CCND3: variants seen among roughly 807,000 people sequenced by gnomAD.
The protein encoded by CCND3 is cyclin D3.
A neutral mutation model predicts 28.7 loss-of-function variants in CCND3; 9 were observed. The ratio of observed to expected loss-of-function variants is 0.31; its 90% CI spans 0.19 to 0.55. The LOEUF (loss-of-function observed/expected upper bound fraction) is 0.55, where lower values mean the gene tolerates loss of function less well. CCND3 is among the 20% of genes least tolerant of loss of function. The probability of loss-of-function intolerance (pLI) is 0.93; values close to 1 mark genes in which losing one functional copy is unlikely to be tolerated. For synonymous variants in CCND3, 164 were observed against 163.9 expected, an observed-to-expected ratio of 1.00 and a Z score of 0.00; for missense variants, 315 against 385.8, an observed-to-expected ratio of 0.82 and a Z score of 1.54.
At chr6:41,973,717 G>T (rs1257166327) in intron 1 of CCND3, among the ~76,000 whole-genome samples, 1 of 152,188 alleles carries the variant, frequency 6.6e-6, no homozygotes, top group Admixed American at 6.5e-5. Flanking sequence ...TTCACTGTCA[G>T]ATTTTCTGCC....
chr6:41,954,250 TAAAAAAAAAAAAA>T (rs34556754), intron 1 of CCND3, among the ~76,000 whole-genome samples: 2 of 35,156 alleles, frequency 5.7e-5, no homozygotes, highest in African/African-American at 1.3e-4. Flanking sequence ...GATTCTGCCT[TAAAAAAAAAAAAA>T]AAAAAAAAAA....
chr6:41,987,233 G>A (rs953612285), intron 1 of CCND3, among the ~76,000 whole-genome samples: 1 of 151,962 alleles, frequency 6.6e-6, no homozygotes, highest in Non-Finnish European at 1.5e-5. Flanking sequence ...TTAACTCACT[G>A]ATTGGTTCTG....
intron 1 of CCND3, among the ~76,000 whole-genome samples, chr6:42,009,793 C>G (rs986333897): frequency 3.3e-5 from 5 of 152,074 alleles, no homozygotes; most frequent in African/African-American, 1.2e-4. Context: ...GGTGATAGAG[C>G]GAGACCCTGT....
chr6:41,987,815 C>A (rs1762533210), intron 1 of CCND3, among the ~76,000 whole-genome samples: 1 of 151,410 alleles, frequency 6.6e-6, no homozygotes, highest in Non-Finnish European at 1.5e-5. Context: ...GAATTTTTTT[C>A]TGAATGGTGA....
chr6:41,986,139 G>A (rs1331102696), intron 1 of CCND3, among the ~76,000 whole-genome samples: 1 of 151,994 alleles, frequency 6.6e-6, no homozygotes, highest in Non-Finnish European at 1.5e-5. Context: ...TGGTCTATAT[G>A]TCTATTGTTA....
chr6:41,982,663 C>T (rs1296248846), intron 1 of CCND3, among the ~76,000 whole-genome samples: 1 of 152,112 alleles, frequency 6.6e-6, no homozygotes, highest in Non-Finnish European at 1.5e-5. Flanking sequence ...AGGGCTGACA[C>T]TACCTGACTT....
chr6:41,988,760 G>A (rs1440530139), intron 1 of CCND3, among the ~76,000 whole-genome samples: 5 of 147,542 alleles, frequency 3.4e-5, no homozygotes, highest in Admixed American at 6.9e-5. Flanking sequence ...GTGCAGTGGC[G>A]CGATGTCGGC....
intron 1 of CCND3, among the ~76,000 whole-genome samples, chr6:42,009,700 G>C (rs528113770): frequency 1.3e-5 from 2 of 152,080 alleles, no homozygotes; most frequent in Admixed American, 1.3e-4. Flanking sequence ...CCAGCTACTC[G>C]GGAGGCTAAG....
At position 41,979,269 on chromosome 6, in the gene CCND3, C is replaced by T. The variant is rs536720686; in HGVS notation, c.-45-38684G>A. Among the ~76,000 whole-genome samples, 47 of 151,456 alleles carry T rather than the reference C, an allele frequency of 3.1e-4. No individual in the cohort carries two copies. The South Asian group carries it at 7.1e-3, about 23-fold the overall frequency. On this transcript the variant is annotated intron_variant, in intron 1 of 4. Transcript: ENST00000372988. The stretch of plus-strand genomic sequence containing the variant: ...AAAATAACGGCCGGGCACAGTGGCT[C>T]ACACCTGTAATCCCAGCACTTTGGG...
intron 1 of CCND3, among the ~76,000 whole-genome samples, chr6:42,003,981 AAAAC>A (rs1763103732): frequency 6.6e-6 from 1 of 151,702 alleles, no homozygotes; most frequent in Non-Finnish European, 1.5e-5. Flanking sequence ...AAAGACTAAC[AAAAC>A]AAACAAAACT....
intron 1 of CCND3, among the ~76,000 whole-genome samples, chr6:42,022,649 A>G (rs1255706733): frequency 3.3e-5 from 5 of 152,246 alleles, no homozygotes; most frequent in Non-Finnish European, 5.9e-5. Context: ...TTGATGCAGC[A>G]CTTGGCCTGG....
chr6:41,964,513 TGA>T (rs1554161276), intron 1 of CCND3, among the ~76,000 whole-genome samples: 6 of 150,366 alleles, frequency 4.0e-5, no homozygotes, highest in Non-Finnish European at 8.9e-5. Context: ...TGTGTGTGTG[TGA>T]GTGTGTATGT....
rs553358853 is a variant in CCND3 at position 42,037,427 on chromosome 6, G to A, written c.-46+11074C>T. 8.6e-5 allele frequency among the ~76,000 whole-genome samples: 13 copies of A among 150,474 alleles called. No individual in the cohort carries two copies. The East Asian group carries it at 1.4e-3, about 16-fold the overall frequency. On this transcript the variant is annotated intron_variant, in intron 1 of 4. Coordinates refer to the CCND3 transcript ENST00000372988. ...TAATTTTTGTATTTTTAGTAGAGACGGTTTTCAACATATTGGCCAGGATGG... is the reference window on the plus strand; with the variant it reads ...TAATTTTTGTATTTTTAGTAGAGACAGTTTTCAACATATTGGCCAGGATGG...
At chr6:41,946,478 G>A (rs1776172359), upstream of CCND3, among the ~76,000 whole-genome samples, 1 of 151,052 alleles carries the variant, frequency 6.6e-6, no homozygotes, top group Non-Finnish European at 1.5e-5. Context: ...GCGCACGCCT[G>A]TAGTCCCAGC....
At chr6:42,026,868 G>A (rs1333231801) in intron 1 of CCND3, among the ~76,000 whole-genome samples, 5 of 152,170 alleles carry the variant, frequency 3.3e-5, no homozygotes, top group Non-Finnish European at 4.4e-5. Flanking sequence ...TCTCCCACAC[G>A]CAAGGGCACA....
chr6:42,029,284 C>G (rs1381842329), intron 1 of CCND3, among the ~76,000 whole-genome samples: 5 of 152,114 alleles, frequency 3.3e-5, no homozygotes, highest in Non-Finnish European at 7.4e-5. Flanking sequence ...AGCCACTGCA[C>G]GCAGCCTTGA....
intron 1 of CCND3, among the ~76,000 whole-genome samples, chr6:41,973,694 A>T (rs925263601): frequency 2.0e-5 from 3 of 152,196 alleles, no homozygotes; most frequent in Non-Finnish European, 4.4e-5. Context: ...CAATAATAAT[A>T]AAAAGCCCTG....
At chr6:42,009,515 G>C (rs1169752681) in intron 1 of CCND3, among the ~76,000 whole-genome samples, 1 of 152,204 alleles carries the variant, frequency 6.6e-6, no homozygotes, top group Non-Finnish European at 1.5e-5. Flanking sequence ...AGGAGGCTGA[G>C]GCAAGAGAAT....
chr6:41,973,446 TTATAA>T (rs1762088986), intron 1 of CCND3, among the ~76,000 whole-genome samples: 2 of 152,212 alleles, frequency 1.3e-5, no homozygotes, highest in South Asian at 4.1e-4. Flanking sequence ...AATTATAACC[TTATAA>T]TAGAATATTG....
Sources: allele counts gnomAD v4.1 joint callset (sites outside exome capture counted in the v4.1 genomes callset), GRCh38; gene constraint gnomAD v4.1.1; transcripts MANE v1.5; gene names NCBI Gene and HGNC (gene_info 2026-07-23, HGNC 2026-07-21).